ERC2: variants seen among roughly 807,000 people sequenced by gnomAD.
ERC2 encodes the protein ELKS/RAB6-interacting/CAST family member 2.
In ERC2, 42 loss-of-function variants were observed where a neutral mutation model predicts 114.8. The observed-to-expected ratio is 0.37, with a 90% CI of 0.29 to 0.47. The LOEUF (loss-of-function observed/expected upper bound fraction) is 0.47, where lower values mean the gene tolerates loss of function less well. Ranked by LOEUF, ERC2 falls within the 20% of genes least tolerant of loss-of-function variation. The probability of loss-of-function intolerance (pLI) is 0.99; values close to 1 mark genes in which losing one functional copy is unlikely to be tolerated. For missense variants in ERC2, 939 were observed against 1,150.7 expected (o/e 0.82, Z 2.66); for synonymous variants, 454 against 425.5 (o/e 1.07, Z -0.82).
chr3:55,868,160 T>G (rs1269241725), intron 14 of ERC2, among the ~76,000 whole-genome samples: 1 of 152,208 alleles, frequency 6.6e-6, no homozygotes, highest in Non-Finnish European at 1.5e-5. Flanking sequence ...AAGTAAGCTC[T>G]ACACTTTCAG....
intron 14 of ERC2, among the ~76,000 whole-genome samples, chr3:55,839,521 A>C (rs2061038619): frequency 6.6e-6 from 1 of 151,960 alleles, no homozygotes; most frequent in African/African-American, 2.4e-5. Flanking sequence ...ACAAAAATTA[A>C]AATACAATAT....
At chr3:55,915,378 G>C (rs1189204939) in intron 13 of ERC2, among the ~76,000 whole-genome samples, 3 of 152,016 alleles carry the variant, frequency 2.0e-5, no homozygotes, top group Non-Finnish European at 4.4e-5. Context: ...ACAACAAAGG[G>C]CTGTTATGGA....
chr3:55,597,909 C>T (rs1234665348), intron 17 of ERC2, among the ~76,000 whole-genome samples: 2 of 152,208 alleles, frequency 1.3e-5, no homozygotes, highest in African/African-American at 4.8e-5. Context: ...TATCCACTTA[C>T]ATAATAGACG....
intron 12 of ERC2, among the ~76,000 whole-genome samples, chr3:55,980,308 C>A (rs548745543): frequency 2.0e-5 from 3 of 152,090 alleles, no homozygotes; most frequent in African/African-American, 4.8e-5. Context: ...ATTTGTTATA[C>A]GTAACAACAA....
At chr3:55,988,330 G>A (rs2070793328) in intron 11 of ERC2, among the ~76,000 whole-genome samples, 1 of 152,208 alleles carries the variant, frequency 6.6e-6, no homozygotes, top group Non-Finnish European at 1.5e-5. Context: ...TGAGCTGCCT[G>A]CAGTCCAAGG....
At chr3:55,944,375 A>T (rs930577458) in intron 13 of ERC2, among the ~76,000 whole-genome samples, 12 of 152,254 alleles carry the variant, frequency 7.9e-5, no homozygotes, top group African/African-American at 2.9e-4. Flanking sequence ...CTTGATTAAG[A>T]GTAAACCTCT....
chr3:55,838,394 C>A (rs189312727), intron 14 of ERC2, among the ~76,000 whole-genome samples: 1 of 152,042 alleles, frequency 6.6e-6, no homozygotes, highest in Admixed American at 6.6e-5. Flanking sequence ...AACATCTATA[C>A]CAAGAATATA....
At chr3:55,754,156 G>A (rs981601930) in intron 14 of ERC2, among the ~76,000 whole-genome samples, 3 of 146,652 alleles carry the variant, frequency 2.0e-5, no homozygotes, top group Admixed American at 1.4e-4. Context: ...TCAAATCACC[G>A]ATCTCTACAG....
chr3:56,360,734 C>G (rs2058926156), intron 2 of ERC2, among the ~76,000 whole-genome samples: 2 of 151,902 alleles, frequency 1.3e-5, no homozygotes, highest in Non-Finnish European at 1.5e-5. Context: ...ATGGTGAAAC[C>G]CCATATGTAC....
At chr3:55,833,864 C>A (rs2060736694) in intron 14 of ERC2, among the ~76,000 whole-genome samples, 1 of 152,084 alleles carries the variant, frequency 6.6e-6, no homozygotes, top group Non-Finnish European at 1.5e-5. Flanking sequence ...TCAGGAAATC[C>A]ATCTCATGTG....
intron 17 of ERC2, among the ~76,000 whole-genome samples, chr3:55,615,313 A>G (rs2059078208): frequency 6.6e-6 from 1 of 152,258 alleles, no homozygotes; most frequent in Non-Finnish European, 1.5e-5. Flanking sequence ...CATGGTTAAC[A>G]TATCAGATTT....
intron 15 of ERC2, among the ~76,000 whole-genome samples, chr3:55,719,283 T>C (rs1029811870): frequency 6.6e-6 from 1 of 152,130 alleles, no homozygotes; most frequent in Non-Finnish European, 1.5e-5. Flanking sequence ...GAGGGCTCTT[T>C]ATGTGAAAAA....
intron 3 of ERC2, among the ~76,000 whole-genome samples, chr3:56,250,005 C>T (rs1449132274): frequency 6.6e-6 from 1 of 151,770 alleles, no homozygotes; most frequent in Non-Finnish European, 1.5e-5. Context: ...TTACAGGCGC[C>T]CGCCACCACA....
chr3:56,153,832 G>A (rs1019579145), intron 4 of ERC2, among the ~76,000 whole-genome samples: 6 of 152,042 alleles, frequency 3.9e-5, no homozygotes, highest in African/African-American at 1.4e-4. Flanking sequence ...GAGAATTACT[G>A]GTTTCATTTT....
intron 12 of ERC2, among the ~76,000 whole-genome samples, chr3:55,963,972 C>A (rs1439582110): frequency 6.6e-6 from 1 of 151,974 alleles, no homozygotes; most frequent in African/African-American, 2.4e-5. Flanking sequence ...GTGGTCCAGA[C>A]ATAAAATAAA....
At chr3:56,307,214 C>T (rs761493793) in intron 2 of ERC2, among the ~76,000 whole-genome samples, 1 of 152,190 alleles carries the variant, frequency 6.6e-6, no homozygotes, top group African/African-American at 2.4e-5. Flanking sequence ...TCACAAAGAA[C>T]GAGAAGCCAA....
chr3:56,118,598 C>CCCAG (rs1282883902), intron 6 of ERC2, among the ~76,000 whole-genome samples: 1 of 151,818 alleles, frequency 6.6e-6, no homozygotes, highest in Non-Finnish European at 1.5e-5. Context: ...TAGTATAATT[C>CCCAG]CCAGTTTTCT....
intron 3 of ERC2, among the ~76,000 whole-genome samples, chr3:56,230,192 G>A (rs1001241588): frequency 2.0e-5 from 3 of 151,828 alleles, no homozygotes; most frequent in African/African-American, 2.4e-5. Flanking sequence ...AATGATGTTC[G>A]TTAATAATTT....
intron 2 of ERC2, among the ~76,000 whole-genome samples, chr3:56,395,964 C>T (rs1023009393): frequency 6.6e-6 from 1 of 152,114 alleles, no homozygotes; most frequent in African/African-American, 2.4e-5. Context: ...CAAGTGGATG[C>T]TAAGCTAAAA....
Sources: allele counts gnomAD v4.1 joint callset (sites outside exome capture counted in the v4.1 genomes callset), GRCh38; gene constraint gnomAD v4.1.1; transcripts MANE v1.5; gene names NCBI Gene and HGNC (gene_info 2026-07-23, HGNC 2026-07-21).